Variants in ATP2A1 observed in about 807,000 individuals in gnomAD.
ATP2A1 encodes the protein sarcoplasmic/endoplasmic reticulum calcium ATPase 1.
Under a neutral mutation model 109.5 loss-of-function variants are expected in ATP2A1, and 83 were observed. The ratio of observed to expected loss-of-function variants is 0.76; its 90% confidence interval spans 0.63 to 0.91. The LOEUF (loss-of-function observed/expected upper bound fraction) is 0.91. Ranked by LOEUF, ATP2A1 falls within the 40% of genes least tolerant of loss-of-function variation. The pLI is 0.00. For missense variants in ATP2A1, 1,101 were observed against 1,341.0 expected (o/e 0.82, Z 2.80); for synonymous variants, 505 against 537.6 (o/e 0.94, Z 0.84).
At chr16:28,888,135 T>C (rs1320112185) in intron 8 of ATP2A1, among the ~76,000 whole-genome samples, 2 of 147,184 alleles carry the variant, frequency 1.4e-5, no homozygotes, top group African/African-American at 2.5e-5. Flanking sequence ...TGGGTTCAAG[T>C]GATTCTTCTG....
rs560589024 is a variant in ATP2A1, at chr16:28,883,852, C to T, written c.464-723C>T. 6.6e-6 allele frequency among the ~76,000 whole-genome samples: 1 copy of T among 152,192 alleles called. No homozygotes were observed. Among genetic ancestry groups the T allele is most frequent in the Non-Finnish European group, 1.5e-5 (1 of 67,996 alleles). On this transcript the variant is annotated intron_variant, in intron 5 of 22. Transcript: ENST00000395503. This position sits in a 1 kb window ranked among gnomAD's most constrained non-coding sequence, Gnocchi z 5.2. The stretch of plus-strand genomic sequence containing the variant: ...CCCCAGCTCACTCTCCCTGGCTCCC[C>T]GCCTCCCTGCCTCCCTGAGATGCTC...
Position 28,887,726 on chromosome 16 carries a change from T to A in ATP2A1, c.928+4T>A, listed in dbSNP as rs1282307941. ...GCTGTGGCTGCCATCCCCGAAGGTA[T>A]GAAAGCCTTTCTTTTCTCCTCCCAT... On this transcript the variant is annotated splice_donor_region_variant and intron_variant, in intron 8 of 22. Coordinates refer to ENST00000395503, the MANE Select transcript of ATP2A1 (RefSeq NM_004320.6). The A allele has an allele frequency of 6.2e-7, 1 of 1,613,688 alleles. No homozygotes were observed. Among genetic ancestry groups the A allele is most frequent in the African/African-American group, 1.3e-5 (1 of 74,934 alleles).
At position 28,902,998 on chromosome 16, in the gene ATP2A1, C is replaced by G. The variant is rs1964131089; in HGVS notation, c.2745-32C>G. 7 of 1,613,360 alleles carry G rather than the reference C, an allele frequency of 4.3e-6. No homozygotes were observed. The highest frequency in any genetic ancestry group is 5.1e-6 in the Non-Finnish European group (6 of 1,179,710). On this transcript the variant is annotated intron_variant, in intron 19 of 22. Coordinates refer to ENST00000395503, the MANE Select transcript of ATP2A1 (RefSeq NM_004320.6). The surrounding 1 kb of genome is among the most constrained non-coding windows in gnomAD (Gnocchi z 4.8). ...GTGCCGCCCACCTCCTTCCTCCTCA[C>G]TGTGCCTTCTCCCTCCCCTTCCCCT...
In ATP2A1 at chr16:28,898,045, C is replaced by T. The variant is rs371090069; in HGVS notation, c.1465C>T (p.Arg489Ter). Reference protein sequence around the residue: ...MKKEFTLEFSRDRKSMSVYCS... With the variant: ...MKKEFTLEFS The stretch of plus-strand genomic sequence containing the variant: ...GAAGGAATTCACCCTGGAGTTCTCC[C>T]GAGACAGAAAGTCCATGTCTGTCTA... Residue 489 changes from arginine to a stop codon, truncating the protein, a stop_gained, in exon 13 of 23, where the codon CGA becomes TGA. Transcript: ENST00000395503. LOFTEE classifies it high-confidence loss of function. The surrounding 1 kb of genome is among the most constrained non-coding windows in gnomAD (Gnocchi z 4.0). The T allele has an allele frequency of 1.3e-5, 21 of 1,614,160 alleles. No homozygotes were observed. The highest frequency in any genetic ancestry group is 2.2e-5 in the East Asian group (1 of 44,888).
intron 5 of ATP2A1, among the ~76,000 whole-genome samples, chr16:28,884,031 C>T (rs145614251): frequency 6.6e-6 from 1 of 152,230 alleles, no homozygotes; most frequent in African/African-American, 2.4e-5. Context: ...TTCTCAATTT[C>T]CATATTTTCC....
rs1242495875 is a variant in ATP2A1, at chr16:28,901,894, TGAA to T, written c.2137_2139del (p.Lys713del). The T allele has an allele frequency of 1.2e-6, 2 of 1,614,062 alleles. No homozygotes were observed. The highest frequency in any genetic ancestry group is 2.7e-5 in the African/African-American group (2 of 74,958). The stretch of plus-strand genomic sequence containing the variant: ...GATGGCGTCAATGACGCCCCTGCCC[TGAA>T]GAAGGCTGAGATTGGCATTGCCATG... On this transcript the variant is annotated inframe_deletion, in exon 16 of 23. Transcript: ENST00000395503.
chr16:28,898,586 A>T lies in ATP2A1; in HGVS notation c.1764+135A>T, dbSNP rs1285392233. On this transcript the variant is annotated intron_variant, in intron 14 of 22. Coordinates refer to ENST00000395503, the MANE Select transcript of ATP2A1 (RefSeq NM_004320.6). This position sits in a 1 kb window ranked among gnomAD's most constrained non-coding sequence, Gnocchi z 4.0. ...GATGGCTCCTTAGTACAGGCCATGG[A>T]ATCACAGGACAGTAGAGTTTCAGAG... 2.8e-6 allele frequency: 3 copies of T among 1,059,166 alleles called. No homozygotes were observed. In the Admixed American group the frequency reaches 6.1e-5, roughly 22 times the overall value. The allele number at this position is 1,059,166 out of a possible 1,614,324, so 65.6% of individuals were successfully genotyped here. A position where few individuals can be genotyped will look rare whatever the true frequency, so the allele number is the denominator to read the frequency against.
intron 12 of ATP2A1, among the ~76,000 whole-genome samples, chr16:28,895,534 C>T (rs555339496): frequency 2.6e-5 from 4 of 151,780 alleles, no homozygotes; most frequent in African/African-American, 9.7e-5. Context: ...TTTAATATAA[C>T]AAAAAAGCGG....
At chr16:28,887,767 G>A in intron 8 of ATP2A1, 45 bp downstream of exon 8, 1 of 1,598,560 alleles carries the variant, frequency 6.3e-7, no homozygotes. Flanking sequence ...AATCCCATCT[G>A]CAAAGACCCC....
intron 12 of ATP2A1, among the ~76,000 whole-genome samples, chr16:28,895,914 T>C (rs376955457): frequency 9.2e-5 from 14 of 152,278 alleles, no homozygotes; most frequent in African/African-American, 3.4e-4. Context: ...AGAGGACTAA[T>C]TTTTAAAATT....
chr16:28,890,675 GTTTT>G (rs892721272), intron 9 of ATP2A1, among the ~76,000 whole-genome samples: 40 of 151,588 alleles, frequency 2.6e-4, no homozygotes, highest in Non-Finnish European at 4.0e-4. Context: ...AGGATTCTGG[GTTTT>G]TTTGTTTGTT....
chr16:28,880,612 T>G lies in ATP2A1; in HGVS notation c.220-303T>G, dbSNP rs1596661802. ...GGGATGGATGTGGCTGTGCGGGGGG[T>G]TGGCCTGAGCTTCGCTTCTAAGCCA... On this transcript the variant is annotated intron_variant, in intron 3 of 22. Transcript: ENST00000395503. The surrounding 1 kb of genome is among the most constrained non-coding windows in gnomAD (Gnocchi z 4.2). Among the ~76,000 whole-genome samples the G allele has an allele frequency of 6.6e-6, 1 of 152,036 alleles. No homozygotes were observed. The highest frequency in any genetic ancestry group is 6.6e-5 in the Admixed American group (1 of 15,262).
chr16:28,890,292 CA>C (rs767608802), intron 9 of ATP2A1, among the ~76,000 whole-genome samples: 5,329 of 74,450 alleles, frequency 0.072, 308 homozygotes, highest in African/African-American at 0.24. Flanking sequence ...CCGTCTCTAC[CA>C]AAAAAAAAAA....
intron 15 of ATP2A1, among the ~76,000 whole-genome samples, chr16:28,901,249 T>C (rs556545233): frequency 6.6e-6 from 1 of 151,540 alleles, no homozygotes; most frequent in Admixed American, 6.6e-5. Context: ...GGTGGATCAC[T>C]TGAGCACAGT....
chr16:28,889,511 G>C, intron 9 of ATP2A1, among the ~76,000 whole-genome samples: 1 of 152,152 alleles, frequency 6.6e-6, no homozygotes, highest in East Asian at 1.9e-4. Flanking sequence ...GCCCCTGTTC[G>C]CTTCCCAAAG....
rs1370572125 is a variant in ATP2A1 at position 28,901,867 on chromosome 16, G to A, written c.2105G>A (p.Gly702Asp). The A allele has an allele frequency of 6.2e-7, 1 of 1,613,798 alleles. No individual in the cohort carries two copies. The change falls in exon 16 of 23, where the codon GGT becomes GAT. Residue 702 changes from glycine to aspartate, a missense_variant. Physicochemically the swap from Gly to Asp is moderately conservative, Grantham distance 94. Transcript: ENST00000395503. ...QSYDEITAMT[G>D]DGVNDAPALK... ...CACCTTCTCCTCCTCCCTCAGACAG[G>A]TGATGGCGTCAATGACGCCCCTGCC...
chr16:28,879,194 C>T, intron 2 of ATP2A1, 78 bp downstream of exon 2: 2 of 1,528,030 alleles, frequency 1.3e-6, no homozygotes, highest in Non-Finnish European at 1.8e-6. Context: ...CTCCCTGCCT[C>T]TTTAGATTCT....
At position 28,902,223 on chromosome 16, in the gene ATP2A1, G is replaced by T. The variant is rs746571879; in HGVS notation, c.2361G>T (p.Leu787=). The T allele has an allele frequency of 2.4e-5, 39 of 1,614,010 alleles. No homozygotes were observed. Among genetic ancestry groups the T allele is most frequent in the Non-Finnish European group, 3.1e-5 (37 of 1,180,020 alleles). ...CTGCCCTGGGGCTGCCTGAGGCCCT[G>T]ATCCCGGTGCAGCTGCTATGGGTGA... The part of the protein sequence containing the change: ...LTAALGLPEA[L]IPVQLLWVNL... The change falls in exon 17 of 23, where the codon CTG becomes CTT. Residue 787 remains leucine, a synonymous_variant. Transcript: ENST00000395503. This position sits in a 1 kb window ranked among gnomAD's most constrained non-coding sequence, Gnocchi z 4.8.
chr16:28,894,548 C>G lies in ATP2A1; in HGVS notation c.1228C>G (p.Leu410Val), dbSNP rs1327170640. 2 of 1,614,010 alleles carry G rather than the reference C, an allele frequency of 1.2e-6. No individual in the cohort carries two copies. The highest frequency in any genetic ancestry group is 2.7e-5 in the African/African-American group (2 of 74,918). The change falls in exon 11 of 23, where the codon CTG becomes GTG. Residue 410 changes from leucine to valine, a missense_variant. Physicochemically the swap from Leu to Val is conservative, Grantham distance 32. Coordinates refer to ENST00000395503, the MANE Select transcript of ATP2A1 (RefSeq NM_004320.6). ...AGTCCGGCCAGGGCAGTATGACGGG[C>G]TGGTGGAGCTGGCCACCATCTGTGC... is the stretch of plus-strand genomic sequence containing the variant. ...KPVRPGQYDG[L>V]VELATICALC... is the part of the protein sequence containing the mutation.
Sources: allele counts gnomAD v4.1 joint callset (sites outside exome capture counted in the v4.1 genomes callset), GRCh38; gene constraint gnomAD v4.1.1; non-coding constraint Gnocchi (gnomAD v3.1); transcripts MANE v1.5; gene names NCBI Gene and HGNC (gene_info 2026-07-23, HGNC 2026-07-21).